The following FGF10 variants were observed in gnomAD, a reference collection of about 807,000 sequenced individuals.
The protein encoded by FGF10 is FGF-10.
A neutral mutation model predicts 19.8 loss-of-function variants in FGF10; 2 were observed. The ratio of observed to expected loss-of-function variants is 0.10; its 90% CI spans 0.04 to 0.32. FGF10 has a LOEUF of 0.32. FGF10 is among the 10% of genes least tolerant of loss of function. The pLI, the probability that FGF10 is intolerant of heterozygous loss-of-function variation, is 1.00. For missense variants in FGF10, 191 were observed against 246.3 expected (o/e 0.78, Z 1.50); for synonymous variants, 112 against 94.0 (o/e 1.19, Z -1.10).
chr5:44,305,297 G>T, intron 2 of FGF10, 105 bp from the exon 3 acceptor site: 1 of 1,010,444 alleles, frequency 9.9e-7, no homozygotes, highest in South Asian at 1.3e-5. Flanking sequence ...GTTTGTAGTT[G>T]CCATTTGTAC....
At chr5:44,314,978 C>T (rs1398211013) in intron 1 of FGF10, among the ~76,000 whole-genome samples, 1 of 152,004 alleles carries the variant, frequency 6.6e-6, no homozygotes, top group Non-Finnish European at 1.5e-5. Context: ...ATCCTTCTAT[C>T]CACTCCTAGA....
At chr5:44,319,771 T>C (rs1289107363) in intron 1 of FGF10, among the ~76,000 whole-genome samples, 1 of 152,234 alleles carries the variant, frequency 6.6e-6, no homozygotes. Flanking sequence ...ACAATTTATC[T>C]ATTTATGTAT....
At chr5:44,366,127 CTTTTTTTTTTT>C in intron 1 of FGF10, among the ~76,000 whole-genome samples, 1 of 74,824 alleles carries the variant, frequency 1.3e-5, no homozygotes, top group Non-Finnish European at 2.3e-5. Flanking sequence ...CAATTATTTC[CTTTTTTTTTTT>C]TTTTTTTTTT....
rs147066144 is a variant in FGF10, at chr5:44,307,068, T to C, written c.430-1876A>G. Among the ~76,000 whole-genome samples the C allele has an allele frequency of 3.1e-3, 466 of 152,318 alleles. 7 individuals are homozygous for C. The highest frequency in any genetic ancestry group is 1.0e-2 in the African/African-American group (415 of 41,590). Reference sequence around the variant, plus strand: ...ACTGAGATTGTTTGAGGTGATTTCATATTTCAGATGAAGCTAGGTATACAA... The same window carrying C: ...ACTGAGATTGTTTGAGGTGATTTCACATTTCAGATGAAGCTAGGTATACAA... On this transcript the variant is annotated intron_variant, in intron 2 of 2. Transcript: ENST00000264664.
intron 1 of FGF10, among the ~76,000 whole-genome samples, chr5:44,336,523 T>C (rs573820728): frequency 3.4e-4 from 51 of 152,168 alleles, no homozygotes; most frequent in Middle Eastern, 3.4e-3. Context: ...CGGGGAGAGG[T>C]GGAGAAGAAC....
chr5:44,379,570 T>C (rs1023642506), intron 1 of FGF10, among the ~76,000 whole-genome samples: 9 of 152,204 alleles, frequency 5.9e-5, no homozygotes, highest in Non-Finnish European at 1.3e-4. Context: ...AATCACTCTA[T>C]CATACCTCCT....
At chr5:44,352,425 G>T (rs559739574) in intron 1 of FGF10, among the ~76,000 whole-genome samples, 29 of 151,554 alleles carry the variant, frequency 1.9e-4, no homozygotes, top group African/African-American at 5.8e-4. Flanking sequence ...TTACATTTTA[G>T]GAACAAAATA....
chr5:44,360,325 T>G (rs189898588), intron 1 of FGF10, among the ~76,000 whole-genome samples: 1 of 151,724 alleles, frequency 6.6e-6, no homozygotes, highest in East Asian at 2.0e-4. Flanking sequence ...TTAATGAGTT[T>G]TCCTACTTAT....
At chr5:44,327,329 C>A (rs17234387) in intron 1 of FGF10, among the ~76,000 whole-genome samples, 1 of 152,138 alleles carries the variant, frequency 6.6e-6, no homozygotes, top group East Asian at 1.9e-4. Context: ...GAGTCCCAAG[C>A]CTAAACCAGA....
In FGF10 at chr5:44,302,278, CCTTG is replaced by C. The variant is rs776991391; in HGVS notation, c.*2713_*2716del. Among the ~76,000 whole-genome samples, 579 of 125,564 alleles carry C rather than the reference CCTTG, an allele frequency of 4.6e-3. 3 individuals are homozygous for C. Among genetic ancestry groups the C allele is most frequent in the Non-Finnish European group, 5.0e-3 (312 of 61,826 alleles). 82.4% of individuals were successfully genotyped at this position (125,564 alleles called of 152,430 possible). A position where few individuals can be genotyped will look rare whatever the true frequency, so the allele number is the denominator to read the frequency against. On this transcript the variant is annotated 3_prime_UTR_variant, in exon 3 of 3. Transcript: ENST00000264664. The stretch of plus-strand genomic sequence containing the variant: ...CCCTTCTTTCCTTCCTTCCTTCTTT[CCTTG>C]CTTCCTTCCTTCCTTCCTTCCTTCC...
At chr5:44,347,469 A>C (rs971864676) in intron 1 of FGF10, among the ~76,000 whole-genome samples, 1 of 151,730 alleles carries the variant, frequency 6.6e-6, no homozygotes, top group South Asian at 2.1e-4. Context: ...CATTTTTCAC[A>C]CATCTTAGGG....
rs1308211947 is a variant in FGF10 at position 44,349,453 on chromosome 5, T to TCAGAATATATATATATATATCAGA, written c.325+38904_325+38905insTCTGATATATATATATATATTCTG. Among the ~76,000 whole-genome samples the TCAGAATATATATATATATATCAGA allele has an allele frequency of 2.2e-4, 5 of 23,060 alleles. 1 individual carries two copies. Among genetic ancestry groups the TCAGAATATATATATATATATCAGA allele is most frequent in the Non-Finnish European group, 3.7e-4 (4 of 10,826 alleles). 15.1% of individuals were successfully genotyped at this position (23,060 alleles called of 152,430 possible). On this transcript the variant is annotated intron_variant, in intron 1 of 2. Coordinates refer to ENST00000264664, the MANE Select transcript of FGF10 (RefSeq NM_004465.2). ...ATATATATATATATATATATATATA[T>TCAGAATATATATATATATATCAGA]ATATATATATATATATCAGAATATA...
chr5:44,365,350 CAAAAAA>C lies in FGF10; in HGVS notation c.325+23002_325+23007del, dbSNP rs3060085. Among the ~76,000 whole-genome samples, 7 of 124,704 alleles carry C rather than the reference CAAAAAA, an allele frequency of 5.6e-5. No homozygotes were observed. The South Asian group carries it at 1.6e-3, about 28-fold the overall frequency. The allele number at this position is 124,704 out of a possible 152,430, so 81.8% of individuals were successfully genotyped here. A position where few individuals can be genotyped will look rare whatever the true frequency, so the allele number is the denominator to read the frequency against. ...GTCAATTTCATCCTCAAATAATTTG[CAAAAAA>C]AAAAAAAAAAGAGAGAGGTAAAAAG... On this transcript the variant is annotated intron_variant, in intron 1 of 2. Coordinates refer to ENST00000264664, the MANE Select transcript of FGF10 (RefSeq NM_004465.2).
chr5:44,328,275 G>A (rs1256226901), intron 1 of FGF10, among the ~76,000 whole-genome samples: 1 of 152,096 alleles, frequency 6.6e-6, no homozygotes, highest in African/African-American at 2.4e-5. Flanking sequence ...GCAAAATGGT[G>A]ACACAAATTC....
At position 44,337,600 on chromosome 5, in the gene FGF10, T is replaced by C. The variant is rs552328772; in HGVS notation, c.326-27070A>G. Among the ~76,000 whole-genome samples the C allele has an allele frequency of 6.6e-5, 10 of 152,300 alleles. No individual in the cohort carries two copies. In the South Asian group the frequency reaches 2.1e-3, roughly 32 times the overall value. ...ACATTTTTCTATGCGTGAAGCACTA[T>C]TAGAAAATAAAATGGTCAGAGATGC... On this transcript the variant is annotated intron_variant, in intron 1 of 2. Transcript: ENST00000264664.
In FGF10 at chr5:44,321,609, C is replaced by T. The variant is rs531022857; in HGVS notation, c.326-11079G>A. Among the ~76,000 whole-genome samples the T allele has an allele frequency of 7.2e-5, 11 of 152,314 alleles. No individual in the cohort carries two copies. In the East Asian group the frequency reaches 2.1e-3, roughly 29 times the overall value. Reference sequence around the variant, plus strand: ...CTGAATGTGAGTCTATGCACTGTGTCATCTACAGAGAAATGCTGGCTAGCC... The same window carrying T: ...CTGAATGTGAGTCTATGCACTGTGTTATCTACAGAGAAATGCTGGCTAGCC... On this transcript the variant is annotated intron_variant, in intron 1 of 2. Transcript: ENST00000264664.
chr5:44,309,029 C>A (rs17234534), intron 2 of FGF10, among the ~76,000 whole-genome samples: 8 of 152,210 alleles, frequency 5.3e-5, no homozygotes, highest in South Asian at 2.1e-4. Context: ...GTTCTCTCAG[C>A]CTTATGCTAA....
chr5:44,354,034 G>C (rs77892829), intron 1 of FGF10, among the ~76,000 whole-genome samples: 1 of 151,378 alleles, frequency 6.6e-6, no homozygotes, highest in Non-Finnish European at 1.5e-5. Flanking sequence ...TGAATAATAA[G>C]CTATAACTCT....
intron 1 of FGF10, among the ~76,000 whole-genome samples, chr5:44,319,343 C>T (rs999071095): frequency 7.2e-5 from 11 of 152,124 alleles, no homozygotes; most frequent in African/African-American, 2.7e-4. Flanking sequence ...ACCACATTTA[C>T]TCAGGTTTTT....
Sources: allele counts gnomAD v4.1 joint callset (sites outside exome capture counted in the v4.1 genomes callset), GRCh38; gene constraint gnomAD v4.1.1; transcripts MANE v1.5; gene names NCBI Gene and HGNC (gene_info 2026-07-23, HGNC 2026-07-21).